The following NDUFAF6 variants were observed in gnomAD, a reference collection of about 807,000 sequenced individuals.
NDUFAF6 encodes NADH dehydrogenase (ubiquinone) complex I, assembly factor 6.
In NDUFAF6, 45 loss-of-function variants were observed where a neutral mutation model predicts 40.8. The ratio of observed to expected loss-of-function variants is 1.10; its 90% CI spans 0.87 to 1.42. The LOEUF (loss-of-function observed/expected upper bound fraction) is 1.42. NDUFAF6 is among the 40% of genes most tolerant of loss of function. The probability of loss-of-function intolerance (pLI) is 0.00; values close to 1 mark genes in which losing one functional copy is unlikely to be tolerated. For missense variants in NDUFAF6, 435 were observed against 418.5 expected (o/e 1.04, Z -0.34); for synonymous variants, 185 against 155.9 (o/e 1.19, Z -1.39).
intron 2 of NDUFAF6, among the ~76,000 whole-genome samples, chr8:94,947,697 A>C (rs1014324900): frequency 6.6e-6 from 1 of 152,242 alleles, no homozygotes; most frequent in Non-Finnish European, 1.5e-5. Context: ...CTAAGGCTGA[A>C]AGACAGTGGA....
chr8:94,948,223 G>T (rs951733920), intron 2 of NDUFAF6, among the ~76,000 whole-genome samples: 6 of 152,160 alleles, frequency 3.9e-5, no homozygotes, highest in Non-Finnish European at 7.3e-5. Flanking sequence ...CTGCCACTTT[G>T]AAATACAAAC....
chr8:94,969,667 A>G (rs1302207441), intron 1 of NDUFAF6, among the ~76,000 whole-genome samples: 2 of 152,184 alleles, frequency 1.3e-5, no homozygotes, highest in African/African-American at 4.8e-5. Flanking sequence ...AAAGTTGGAA[A>G]CAAAGCACAA....
intron 2 of NDUFAF6, among the ~76,000 whole-genome samples, chr8:94,995,548 G>A (rs1399445581): frequency 3.3e-5 from 5 of 151,866 alleles, no homozygotes; most frequent in Admixed American, 6.6e-5. Context: ...AGGATTGCAT[G>A]AGGCCAGGAG....
chr8:94,997,534 C>T (rs898984557), intron 2 of NDUFAF6, among the ~76,000 whole-genome samples: 2 of 151,988 alleles, frequency 1.3e-5, no homozygotes, highest in African/African-American at 2.4e-5. Flanking sequence ...GGACATTTTA[C>T]TGGGTTTTAA....
chr8:94,958,866 G>T (rs1289123655), intron 1 of NDUFAF6, among the ~76,000 whole-genome samples: 1 of 152,068 alleles, frequency 6.6e-6, no homozygotes, highest in Non-Finnish European at 1.5e-5. Flanking sequence ...ATGAATTTGC[G>T]AGGCACACAA....
chr8:95,073,841 TC>T (rs1413088743), intron 9 of NDUFAF6, among the ~76,000 whole-genome samples: 2 of 152,020 alleles, frequency 1.3e-5, no homozygotes, highest in African/African-American at 4.8e-5. Flanking sequence ...TGCCAACCAA[TC>T]CCAACCTGAT....
At chr8:95,094,501 C>T (rs541971023) in intron 2 of NDUFAF6, among the ~76,000 whole-genome samples, 8 of 150,174 alleles carry the variant, frequency 5.3e-5, no homozygotes, top group African/African-American at 2.0e-4. Flanking sequence ...CAACCTCTGC[C>T]TCCAGGATTC....
chr8:94,912,149 G>A lies in NDUFAF6; in HGVS notation c.-936+16222G>A, dbSNP rs116799554. ...AATTTAACAGTGGTCTCTATCCTAC[G>A]AGGGAAAGATAGAGTAGCTGCCTTT... On this transcript the variant is annotated intron_variant, in intron 1 of 14. Coordinates refer to the NDUFAF6 transcript ENST00000396113. 6.7e-3 allele frequency among the ~76,000 whole-genome samples: 1,017 copies of A among 152,234 alleles called. 8 individuals carry two copies. The highest frequency in any genetic ancestry group is 0.023 in the African/African-American group (937 of 41,538).
At chr8:95,039,203 C>T (rs962304845) in intron 3 of NDUFAF6, among the ~76,000 whole-genome samples, 3 of 151,398 alleles carry the variant, frequency 2.0e-5, no homozygotes, top group African/African-American at 7.3e-5. Flanking sequence ...ACCTGTAATG[C>T]CAGCACTTTG....
intron 1 of NDUFAF6, among the ~76,000 whole-genome samples, chr8:95,027,469 A>G (rs991919515): frequency 1.3e-5 from 2 of 151,190 alleles, no homozygotes; most frequent in African/African-American, 4.9e-5. Flanking sequence ...AGTCCCAGCT[A>G]CTCTGGAGGC....
chr8:94,971,156 C>T (rs1280051006), intron 1 of NDUFAF6, among the ~76,000 whole-genome samples: 2 of 152,202 alleles, frequency 1.3e-5, no homozygotes, highest in East Asian at 1.9e-4. Flanking sequence ...CAGAAATGAA[C>T]ACACCTGCAA....
chr8:94,926,229 G>T (rs1051416379), intron 1 of NDUFAF6: 2 of 152,466 alleles, frequency 1.3e-5, no homozygotes, highest in African/African-American at 4.8e-5. Flanking sequence ...TTTATGCATA[G>T]ATTGATGTAC....
chr8:95,099,345 A>G (rs574638006), upstream of NDUFAF6, among the ~76,000 whole-genome samples: 5 of 151,562 alleles, frequency 3.3e-5, no homozygotes, highest in African/African-American at 9.7e-5. Context: ...CTGGAAAAAA[A>G]AAAAAGAAAA....
At position 95,074,080 on chromosome 8, in the gene NDUFAF6, G is replaced by A. The variant is rs117291441; in HGVS notation, c.*512-1553G>A. Among the ~76,000 whole-genome samples the A allele has an allele frequency of 5.5e-3, 844 of 152,294 alleles. 4 individuals are homozygous for A. Among genetic ancestry groups the A allele is most frequent in the Non-Finnish European group, 9.2e-3 (625 of 68,020 alleles). On this transcript the variant is annotated intron_variant and NMD_transcript_variant, in intron 9 of 9. Transcript: ENST00000520757. The stretch of plus-strand genomic sequence containing the variant: ...TTCAAAATAACGCAGGGAGAAGTGG[G>A]TAAGGGTTGGGATGGAACAAGGTTG...
At chr8:94,968,359 CAT>C (rs1824189949) in intron 1 of NDUFAF6, among the ~76,000 whole-genome samples, 1 of 152,130 alleles carries the variant, frequency 6.6e-6, no homozygotes, top group East Asian at 1.9e-4. Flanking sequence ...AAACGTGTAT[CAT>C]ATGTCAGGGG....
At chr8:94,932,019 T>A in intron 1 of NDUFAF6, 1 of 1,553,520 alleles carries the variant, frequency 6.4e-7, no homozygotes, top group South Asian at 1.2e-5. Flanking sequence ...TTGGGTCCTT[T>A]GCCTCCCTAT....
At chr8:95,058,785 A>G, downstream of NDUFAF6, 1 of 986,346 alleles carries the variant, frequency 1.0e-6, no homozygotes, top group Non-Finnish European at 1.2e-6. Context: ...CAGTGTTCTC[A>G]TTTGGTTTTC....
chr8:95,053,888 A>G (rs1299912879), intron 8 of NDUFAF6, among the ~76,000 whole-genome samples: 2 of 147,720 alleles, frequency 1.4e-5, no homozygotes, highest in Non-Finnish European at 3.0e-5. Context: ...TGGCCTCCCA[A>G]AGTGCTGGGA....
intron 2 of NDUFAF6, among the ~76,000 whole-genome samples, chr8:94,952,039 A>G (rs1201252154): frequency 6.6e-6 from 1 of 152,136 alleles, no homozygotes; most frequent in Non-Finnish European, 1.5e-5. Flanking sequence ...TATAGTACCC[A>G]CTTCCAGGCT....
Sources: allele counts gnomAD v4.1 joint callset (sites outside exome capture counted in the v4.1 genomes callset), GRCh38; gene constraint gnomAD v4.1.1; transcripts MANE v1.5; gene names NCBI Gene and HGNC (gene_info 2026-07-23, HGNC 2026-07-21).